Variants in SLC24A2 observed in about 807,000 individuals in gnomAD.
SLC24A2 encodes the protein sodium/potassium/calcium exchanger 2.
In SLC24A2, 36 loss-of-function variants were observed where a neutral mutation model predicts 62.0. That is an observed-to-expected ratio of 0.58 (90% confidence interval 0.44 to 0.77). The LOEUF (loss-of-function observed/expected upper bound fraction) is 0.77, where lower values mean the gene tolerates loss of function less well. Among genes scored for constraint, SLC24A2 ranks in the 30% least tolerant of loss-of-function variants. SLC24A2 has a pLI of 0.00. For synonymous variants in SLC24A2, 358 were observed against 294.0 expected, an observed-to-expected ratio of 1.22 and a Z score of -2.23; for missense variants, 846 against 817.9, an observed-to-expected ratio of 1.03 and a Z score of -0.42.
chr9:20,125,957 G>T, the SLC24A2 span, among the ~76,000 whole-genome samples: 1 of 152,176 alleles, frequency 6.6e-6, no homozygotes, highest in African/African-American at 2.4e-5. Flanking sequence ...TCTGGGAGGG[G>T]AGGGCTGGTG....
chr9:20,055,271 A>T, the SLC24A2 span, among the ~76,000 whole-genome samples: 8 of 152,208 alleles, frequency 5.3e-5, no homozygotes, highest in Non-Finnish European at 2.9e-5. Context: ...AAAATTTTTC[A>T]TTAGGTAATT....
the SLC24A2 span, among the ~76,000 whole-genome samples, chr9:20,296,001 G>A: frequency 6.6e-6 from 1 of 152,102 alleles, no homozygotes; most frequent in Non-Finnish European, 1.5e-5. Flanking sequence ...CTTTCTTACT[G>A]CATTCCTTAC....
the SLC24A2 span, among the ~76,000 whole-genome samples, chr9:20,279,964 G>A: frequency 6.6e-6 from 1 of 152,178 alleles, no homozygotes; most frequent in South Asian, 2.1e-4. Flanking sequence ...TCAGCTTACT[G>A]AATGGTCCCA....
chr9:19,511,387 T>A lies in SLC24A2; in HGVS notation c.*4766A>T, dbSNP rs1011197190. On this transcript the variant is annotated 3_prime_UTR_variant, in exon 11 of 11. Transcript: ENST00000341998. ...CCAAGGTCTTCCTGAGATTATTTTT[T>A]AAAAAAATCTAAAACTGTATATGGG... 10 of 152,116 alleles carry A rather than the reference T, an allele frequency of 6.6e-5. No individual in the cohort carries two copies. Among genetic ancestry groups the A allele is most frequent in the South Asian group, 2.1e-4 (1 of 4,828 alleles). The allele number at this position is 152,116 out of a possible 1,614,324, so 9.4% of individuals were successfully genotyped here.
At chr9:19,767,584 GT>G (rs1291500110) in intron 2 of SLC24A2, among the ~76,000 whole-genome samples, 1 of 152,078 alleles carries the variant, frequency 6.6e-6, no homozygotes, top group African/African-American at 2.4e-5. Flanking sequence ...TGCTTCCCAG[GT>G]AAGGTGATGC....
the SLC24A2 span, among the ~76,000 whole-genome samples, chr9:20,065,463 A>G: frequency 3.3e-5 from 5 of 152,166 alleles, no homozygotes; most frequent in Non-Finnish European, 7.3e-5. Context: ...GAATGGAGAG[A>G]GAAAGGGGAG....
chr9:20,214,100 T>C, the SLC24A2 span, among the ~76,000 whole-genome samples: 1 of 152,214 alleles, frequency 6.6e-6, no homozygotes, highest in African/African-American at 2.4e-5. Flanking sequence ...TATTAATTTA[T>C]CTGTCAATGA....
chr9:19,642,998 T>G (rs1288357507), intron 2 of SLC24A2, among the ~76,000 whole-genome samples: 3 of 150,704 alleles, frequency 2.0e-5, no homozygotes, highest in South Asian at 4.2e-4. Context: ...TTTTTTTTTT[T>G]TTTTTTTTTT....
In SLC24A2 at chr9:19,625,198, T is replaced by G. The variant is rs567086816; in HGVS notation, c.931-2899A>C. On this transcript the variant is annotated intron_variant, in intron 2 of 10. Coordinates refer to ENST00000341998, the MANE Select transcript of SLC24A2 (RefSeq NM_020344.4). ...GCATTTTGCTTTTTAACCCCCTTAA[T>G]TTTAAACACACAAAAATACCACTCA... Among the ~76,000 whole-genome samples the G allele has an allele frequency of 9.2e-5, 14 of 152,300 alleles. No individual in the cohort carries two copies. The East Asian group carries it at 9.6e-4, about 10-fold the overall frequency.
the SLC24A2 span, among the ~76,000 whole-genome samples, chr9:19,856,562 T>G: frequency 1.4e-3 from 219 of 152,156 alleles, no homozygotes; most frequent in Non-Finnish European, 2.5e-3. Context: ...TTCTGTGGTT[T>G]TCTGAGGGTC....
the SLC24A2 span, among the ~76,000 whole-genome samples, chr9:20,213,655 CTG>C: frequency 2.6e-5 from 4 of 152,078 alleles, no homozygotes; most frequent in African/African-American, 9.7e-5. Context: ...GAATAATACT[CTG>C]TACAATTTTG....
At chr9:19,801,311 G>T in the SLC24A2 span, among the ~76,000 whole-genome samples, 11 of 152,354 alleles carry the variant, frequency 7.2e-5, no homozygotes, top group African/African-American at 2.6e-4. Flanking sequence ...AGGAACAATG[G>T]CAAGCCTTTA....
chr9:19,573,399 A>G lies in SLC24A2; in HGVS notation c.1299T>C (p.Pro433=). The change falls in exon 7 of 11, where the codon CCT becomes CCC. Residue 433 remains proline (P), a synonymous_variant. Coordinates refer to ENST00000341998, the MANE Select transcript of SLC24A2 (RefSeq NM_020344.4). The part of the protein sequence containing the change: ...EMTPSSDASE[P]VQNGNLSHNI... ...TGTGGGAGAGATTTCCATTTTGTAC[A>G]GGTTCTGAAGCATCACTGGATGGTG... 1 of 1,613,598 alleles carries G rather than the reference A, an allele frequency of 6.2e-7. No individual in the cohort carries two copies. The highest frequency in any genetic ancestry group is 8.5e-7 in the Non-Finnish European group (1 of 1,179,692).
chr9:19,559,586 A>C (rs1300747007), intron 7 of SLC24A2, among the ~76,000 whole-genome samples: 2 of 152,190 alleles, frequency 1.3e-5, no homozygotes, highest in Non-Finnish European at 2.9e-5. Context: ...TTGAAGGTAA[A>C]ATTACCAAAA....
In SLC24A2 at chr9:19,557,798, T is replaced by C. The variant is rs1322362009; in HGVS notation, c.1348-7530A>G. 4.6e-5 allele frequency among the ~76,000 whole-genome samples: 7 copies of C among 151,804 alleles called. No individual in the cohort carries two copies. The East Asian group carries it at 1.4e-3, about 29-fold the overall frequency. On this transcript the variant is annotated intron_variant, in intron 7 of 10. Transcript: ENST00000341998. ...AGCCTAAAACTAATTTCTAATGGTCTAAATGGCTCACATTTCTTTTTTTTT... is the reference window on the plus strand; with the variant it reads ...AGCCTAAAACTAATTTCTAATGGTCCAAATGGCTCACATTTCTTTTTTTTT...
chr9:19,707,407 T>G (rs369946464), intron 2 of SLC24A2, among the ~76,000 whole-genome samples: 41 of 151,394 alleles, frequency 2.7e-4, no homozygotes, highest in East Asian at 9.7e-4. Context: ...CTCATTTTAT[T>G]AGGCCAGCAT....
At chr9:19,525,594 G>C (rs917573626) in intron 9 of SLC24A2, among the ~76,000 whole-genome samples, 1 of 150,996 alleles carries the variant, frequency 6.6e-6, no homozygotes, top group African/African-American at 2.4e-5. Context: ...TGTAAAGACA[G>C]GGTTTTGCCA....
At chr9:19,571,950 C>G (rs1417986790) in intron 7 of SLC24A2, among the ~76,000 whole-genome samples, 2 of 152,134 alleles carry the variant, frequency 1.3e-5, no homozygotes. Context: ...CTTCATCTCA[C>G]TGAGCTTCAG....
the SLC24A2 span, among the ~76,000 whole-genome samples, chr9:20,282,278 A>G: frequency 6.6e-6 from 1 of 152,202 alleles, no homozygotes; most frequent in Non-Finnish European, 1.5e-5. Context: ...TCCAAAAGAA[A>G]TAAGTTGAAA....
Sources: allele counts gnomAD v4.1 joint callset (sites outside exome capture counted in the v4.1 genomes callset), GRCh38; gene constraint gnomAD v4.1.1; transcripts MANE v1.5; gene names NCBI Gene and HGNC (gene_info 2026-07-23, HGNC 2026-07-21).